Variants in TAOK1 observed in about 807,000 individuals in gnomAD.
The protein encoded by TAOK1 is serine/threonine-protein kinase TAO1.
A neutral mutation model predicts 138.3 loss-of-function variants in TAOK1; 21 were observed. The ratio of observed to expected loss-of-function variants is 0.15; its 90% CI spans 0.11 to 0.22. TAOK1 has a LOEUF of 0.22. Among genes scored for constraint, TAOK1 ranks in the 10% least tolerant of loss-of-function variants. TAOK1 has a pLI of 1.00. For missense variants in TAOK1, 651 were observed against 1,227.7 expected (o/e 0.53, Z 7.02); for synonymous variants, 361 against 398.4 (o/e 0.91, Z 1.12).
At chr17:29,510,109 GCTCACGC>G (rs889365858) in intron 14 of TAOK1, among the ~76,000 whole-genome samples, 1 of 151,826 alleles carries the variant, frequency 6.6e-6, no homozygotes, top group African/African-American at 2.4e-5. Flanking sequence ...GGGCATGGTG[GCTCACGC>G]CTGTAATCCC....
intron 16 of TAOK1, 64 bp downstream of exon 16, chr17:29,517,720 A>G: frequency 6.8e-7 from 1 of 1,477,794 alleles, no homozygotes; most frequent in Non-Finnish European, 9.2e-7. Flanking sequence ...AAAATATTCC[A>G]ATTCCATTCT....
chr17:29,420,666 A>G (rs1598473610), intron 1 of TAOK1, among the ~76,000 whole-genome samples: 1 of 146,908 alleles, frequency 6.8e-6, no homozygotes, highest in Middle Eastern at 3.5e-3. Context: ...GGTCACTGCA[A>G]CCTCCGCCTC....
At chr17:29,457,978 C>T (rs1336650995) in intron 2 of TAOK1, among the ~76,000 whole-genome samples, 3 of 151,864 alleles carry the variant, frequency 2.0e-5, no homozygotes, top group Non-Finnish European at 4.4e-5. Context: ...GGTGTGGTGG[C>T]GGACGCCTGT....
chr17:29,532,997 C>CCT (rs1567747399), intron 18 of TAOK1, among the ~76,000 whole-genome samples: 18 of 2,816 alleles, frequency 6.4e-3, no homozygotes, highest in Non-Finnish European at 3.1e-3. Context: ...CTGACCCCCC[C>CCT]ACCTCCAACC....
chr17:29,487,461 C>A (rs2031198021), intron 8 of TAOK1, among the ~76,000 whole-genome samples: 2 of 151,956 alleles, frequency 1.3e-5, no homozygotes, highest in South Asian at 4.2e-4. Flanking sequence ...TATATATTCC[C>A]AACTCTGTTC....
chr17:29,442,380 T>C (rs998623767), intron 1 of TAOK1, among the ~76,000 whole-genome samples: 3 of 150,218 alleles, frequency 2.0e-5, no homozygotes, highest in Non-Finnish European at 4.4e-5. Flanking sequence ...TTATGGTTTA[T>C]TTTTTTCTGT....
In TAOK1 at chr17:29,463,570, C is replaced by CAA. The variant is rs34303520; in HGVS notation, c.133-3561_133-3560dup. Among the ~76,000 whole-genome samples the CAA allele has an allele frequency of 3.3e-3, 387 of 117,568 alleles. 2 individuals are homozygous for CAA. The highest frequency in any genetic ancestry group is 9.7e-3 in the African/African-American group (319 of 33,020). The allele number at this position is 117,568 out of a possible 152,430, so 77.1% of individuals were successfully genotyped here. A position where few individuals can be genotyped will look rare whatever the true frequency, so the allele number is the denominator to read the frequency against. ...TGGGTGACAGAGCAAGACTCCATCT[C>CAA]AAAAAAAAAAAAAAATTAACTCAAA... On this transcript the variant is annotated intron_variant, in intron 2 of 19. Transcript: ENST00000261716.
intron 16 of TAOK1, among the ~76,000 whole-genome samples, chr17:29,519,795 T>A (rs2031884315): frequency 6.6e-6 from 1 of 152,224 alleles, no homozygotes; most frequent in African/African-American, 2.4e-5. Flanking sequence ...CAGTAGCTTT[T>A]AAAATTTAAT....
intron 3 of TAOK1, among the ~76,000 whole-genome samples, chr17:29,469,080 CT>C (rs967240217): frequency 3.6e-4 from 55 of 151,956 alleles, no homozygotes; most frequent in Admixed American, 1.2e-3. Context: ...ATGTAGTCTG[CT>C]TTTAAAAATC....
At chr17:29,482,831 T>TGA (rs750285831) in intron 8 of TAOK1, among the ~76,000 whole-genome samples, 3 of 149,664 alleles carry the variant, frequency 2.0e-5, no homozygotes, top group Non-Finnish European at 3.0e-5. Context: ...GGTCTTGCAA[T>TGA]GAGAGAGAGA....
At chr17:29,459,245 G>T (rs2030472718) in intron 2 of TAOK1, among the ~76,000 whole-genome samples, 1 of 151,976 alleles carries the variant, frequency 6.6e-6, no homozygotes, top group Non-Finnish European at 1.5e-5. Flanking sequence ...AGTTCATTTT[G>T]CATACTGTTG....
intron 17 of TAOK1, among the ~76,000 whole-genome samples, chr17:29,527,521 A>G (rs1179134757): frequency 6.6e-6 from 1 of 152,152 alleles, no homozygotes; most frequent in Non-Finnish European, 1.5e-5. Context: ...CTTACTAGCT[A>G]GACATTTCTT....
At position 29,488,163 on chromosome 17, in the gene TAOK1, C is replaced by T. The variant is rs78842772; in HGVS notation, c.656-1501C>T. ...GCAGATGCTTAAGTCTCATATAAAA[C>T]GGTGTAGTTTTTGCATATAACCTAT... On this transcript the variant is annotated intron_variant, in intron 8 of 19. Coordinates refer to ENST00000261716, the MANE Select transcript of TAOK1 (RefSeq NM_020791.4). 2.6e-3 allele frequency among the ~76,000 whole-genome samples: 396 copies of T among 152,308 alleles called. 9 individuals are homozygous for T. The East Asian group carries it at 0.039, about 15-fold the overall frequency.
At chr17:29,519,387 C>T (rs573724465) in intron 16 of TAOK1, among the ~76,000 whole-genome samples, 13 of 151,882 alleles carry the variant, frequency 8.6e-5, no homozygotes, top group Non-Finnish European at 1.3e-4. Context: ...GACGAGGTGG[C>T]GGGCGCCTAT....
At chr17:29,427,160 G>A (rs956467775) in intron 1 of TAOK1, among the ~76,000 whole-genome samples, 4 of 152,132 alleles carry the variant, frequency 2.6e-5, no homozygotes, top group Admixed American at 2.6e-4. Context: ...TAATGCCATT[G>A]GTGGAAAATA....
chr17:29,411,582 G>C (rs1453397005), intron 1 of TAOK1, among the ~76,000 whole-genome samples: 2 of 151,158 alleles, frequency 1.3e-5, no homozygotes, highest in African/African-American at 4.9e-5. Flanking sequence ...TGGTAGCGAT[G>C]GTGTTTCACC....
chr17:29,485,984 A>G (rs1351548776), intron 8 of TAOK1, among the ~76,000 whole-genome samples: 1 of 152,198 alleles, frequency 6.6e-6, no homozygotes, highest in Non-Finnish European at 1.5e-5. Context: ...AGTATCTCTA[A>G]CTTAAAATAA....
intron 8 of TAOK1, among the ~76,000 whole-genome samples, chr17:29,487,246 C>CAAAAAAAAAAAA (rs71138823): frequency 1.1e-5 from 1 of 90,292 alleles, no homozygotes; most frequent in African/African-American, 5.1e-5. Context: ...ACTGTGTCTC[C>CAAAAAAAAAAAA]AAAAAAAAAA....
intron 1 of TAOK1, among the ~76,000 whole-genome samples, chr17:29,444,901 T>C (rs559502385): frequency 5.9e-5 from 9 of 152,348 alleles, no homozygotes; most frequent in African/African-American, 1.9e-4. Flanking sequence ...GTTAGACTTA[T>C]GTTTACTCAG....
Sources: gnomAD v4.1 joint callset for allele counts (sites outside exome capture counted in the v4.1 genomes callset) on GRCh38, gnomAD v4.1.1 for gene constraint, MANE v1.5 for transcripts, NCBI Gene and HGNC (gene_info 2026-07-23, HGNC 2026-07-21) for gene names.